Variants in CYTH3 observed in about 807,000 individuals in gnomAD.
The protein encoded by CYTH3 is cytohesin 3.
CYTH3 carries 23 observed loss-of-function variants against 55.1 expected under a neutral mutation model. That is an observed-to-expected ratio of 0.42 (90% CI 0.30 to 0.59). The LOEUF is 0.59. CYTH3 is among the 20% of genes least tolerant of loss of function. The pLI, the probability that CYTH3 is intolerant of heterozygous loss-of-function variation, is 0.20. For synonymous variants in CYTH3, 249 were observed against 194.9 expected, an observed-to-expected ratio of 1.28 and a Z score of -2.31; for missense variants, 413 against 524.8, an observed-to-expected ratio of 0.79 and a Z score of 2.08.
chr7:6,196,625 A>C (rs1783939622), intron 1 of CYTH3, among the ~76,000 whole-genome samples: 1 of 151,952 alleles, frequency 6.6e-6, no homozygotes. Context: ...ATGCCCAGCT[A>C]ATTTTCTATG....
rs762525917 is a variant in CYTH3 at position 6,170,688 on chromosome 7, G to A, written c.712-42C>T. 6.3e-7 allele frequency: 1 copy of A among 1,595,510 alleles called. No homozygotes were observed. The highest frequency in any genetic ancestry group is 2.3e-5 in the East Asian group (1 of 44,216). On this transcript the variant is annotated intron_variant, in intron 8 of 12. Coordinates refer to ENST00000350796, the MANE Select transcript of CYTH3 (RefSeq NM_004227.4). This position sits in a 1 kb window ranked among gnomAD's most constrained non-coding sequence, Gnocchi z 7.8. ...CAGCAGCCAGTTCAGAGACTCGGAG[G>A]AAAATGGCTGGCCGGGCAGAAAGCT...
At chr7:6,214,766 C>T (rs1005161828) in intron 1 of CYTH3, among the ~76,000 whole-genome samples, 1 of 152,018 alleles carries the variant, frequency 6.6e-6, no homozygotes, top group Non-Finnish European at 1.5e-5. Flanking sequence ...AGGACACATG[C>T]GATTGACAAG....
At chr7:6,257,112 T>C (rs1780149146) in intron 1 of CYTH3, among the ~76,000 whole-genome samples, 1 of 152,208 alleles carries the variant, frequency 6.6e-6, no homozygotes, top group Non-Finnish European at 1.5e-5. Context: ...GTGAAGATTT[T>C]TTTTTACATA....
intron 1 of CYTH3, among the ~76,000 whole-genome samples, chr7:6,261,871 A>C (rs112739620): frequency 0.015 from 2,285 of 152,306 alleles, 25 homozygotes; most frequent in Admixed American, 0.054. Flanking sequence ...CACATGACTG[A>C]AAACCAAGGA....
At chr7:6,243,287 G>A (rs982343196) in intron 1 of CYTH3, among the ~76,000 whole-genome samples, 3 of 152,326 alleles carry the variant, frequency 2.0e-5, no homozygotes, top group Admixed American at 1.3e-4. Context: ...TAGAGGAGCA[G>A]GTCTGTGAAA....
chr7:6,270,470 GT>G (rs1194349951), intron 1 of CYTH3, among the ~76,000 whole-genome samples: 6 of 152,072 alleles, frequency 3.9e-5, no homozygotes, highest in Admixed American at 1.3e-4. Context: ...GTCTTTGATG[GT>G]TTTTTTCCAA....
chr7:6,255,825 G>A (rs933922382), intron 1 of CYTH3, among the ~76,000 whole-genome samples: 10 of 144,138 alleles, frequency 6.9e-5, no homozygotes, highest in South Asian at 2.3e-4. Flanking sequence ...GTGCAGTGGC[G>A]CGATCTCTGC....
At chr7:6,215,891 A>G (rs1167830803) in intron 1 of CYTH3, among the ~76,000 whole-genome samples, 1 of 152,242 alleles carries the variant, frequency 6.6e-6, no homozygotes, top group African/African-American at 2.4e-5. Flanking sequence ...AGGAAGTAGC[A>G]AAACATTCTT....
Position 6,164,599 on chromosome 7 carries a change from T to G in CYTH3, c.*345A>C, listed in dbSNP as rs963744822. The G allele has an allele frequency of 6.0e-6, 2 of 335,724 alleles. No homozygotes were observed. The highest frequency in any genetic ancestry group is 1.1e-5 in the Non-Finnish European group (2 of 178,990). The allele number at this position is 335,724 out of a possible 1,614,324, so 20.8% of individuals were successfully genotyped here. On this transcript the variant is annotated 3_prime_UTR_variant, in exon 13 of 13. Coordinates refer to ENST00000350796, the MANE Select transcript of CYTH3 (RefSeq NM_004227.4). ...TGTCTGCTGTGGAGACAGCGGAAGCTGCTGTCCTGGCTTCTCCCCCTAGGG... is the reference window on the plus strand; with the variant it reads ...TGTCTGCTGTGGAGACAGCGGAAGCGGCTGTCCTGGCTTCTCCCCCTAGGG...
intron 1 of CYTH3, among the ~76,000 whole-genome samples, chr7:6,239,165 G>C (rs1226801924): frequency 6.6e-6 from 1 of 152,186 alleles, no homozygotes; most frequent in Non-Finnish European, 1.5e-5. Flanking sequence ...GTGAGGCTAT[G>C]ATCGCACCAC....
chr7:6,213,181 G>A (rs1362082909), intron 1 of CYTH3, among the ~76,000 whole-genome samples: 3 of 152,210 alleles, frequency 2.0e-5, no homozygotes, highest in Non-Finnish European at 2.9e-5. Context: ...GGAACTCAGA[G>A]ATATCTGCTG....
Position 6,207,676 on chromosome 7 carries a change from G to A in CYTH3, c.35-17145C>T, listed in dbSNP as rs1451109440. Among the ~76,000 whole-genome samples, 3 of 151,928 alleles carry A rather than the reference G, an allele frequency of 2.0e-5. No individual in the cohort carries two copies. In the East Asian group the frequency reaches 5.8e-4, roughly 29 times the overall value. ...AAAACAAAACAAAAAAAGGCTGGGC[G>A]CAGTGACTCATACCTGTAATCCCAG... On this transcript the variant is annotated intron_variant, in intron 1 of 12. Coordinates refer to ENST00000350796, the MANE Select transcript of CYTH3 (RefSeq NM_004227.4).
chr7:6,191,128 G>C (rs900493455), intron 1 of CYTH3, among the ~76,000 whole-genome samples: 1 of 150,510 alleles, frequency 6.6e-6, no homozygotes, highest in Non-Finnish European at 1.5e-5. Flanking sequence ...ATATGGATGA[G>C]TCTCACAAAT....
In CYTH3 at chr7:6,194,471, CAA is replaced by C. The variant is rs970010626; in HGVS notation, c.35-3942_35-3941del. ...TTTAAAAATAAACAAAAACAAAAAACAAAAAAACCTTGAAAACAACACATGCA... is the reference window on the plus strand; with the variant it reads ...TTTAAAAATAAACAAAAACAAAAAACAAAAACCTTGAAAACAACACATGCA... On this transcript the variant is annotated intron_variant, in intron 1 of 12. Coordinates refer to ENST00000350796, the MANE Select transcript of CYTH3 (RefSeq NM_004227.4). 2.6e-5 allele frequency among the ~76,000 whole-genome samples: 4 copies of C among 152,026 alleles called. No individual in the cohort carries two copies. In the South Asian group the frequency reaches 8.3e-4, roughly 32 times the overall value.
chr7:6,173,014 G>A (rs1583738938), intron 6 of CYTH3: 2 of 1,079,402 alleles, frequency 1.9e-6, no homozygotes, highest in Non-Finnish European at 2.3e-6. Context: ...TAGTCCAAGG[G>A]CCGGCTGAGG....
chr7:6,183,681 TTG>T (rs1190359018), intron 4 of CYTH3, among the ~76,000 whole-genome samples: 3 of 152,146 alleles, frequency 2.0e-5, no homozygotes, highest in African/African-American at 4.8e-5. Context: ...TAATTTTGAG[TTG>T]TGTCTGAAGC....
intron 1 of CYTH3, among the ~76,000 whole-genome samples, chr7:6,262,962 CAAAAAAA>C (rs915892091): frequency 1.4e-5 from 2 of 143,664 alleles, no homozygotes; most frequent in East Asian, 4.0e-4. Flanking sequence ...CATTTTTGAC[CAAAAAAA>C]AAAATGAACC....
chr7:6,200,279 C>T (rs1445537084), intron 1 of CYTH3, among the ~76,000 whole-genome samples: 1 of 152,084 alleles, frequency 6.6e-6, no homozygotes, highest in African/African-American at 2.4e-5. Flanking sequence ...ATAGTGACAC[C>T]CTGACACATT....
chr7:6,209,511 G>A (rs904482778), intron 1 of CYTH3, among the ~76,000 whole-genome samples: 2 of 152,166 alleles, frequency 1.3e-5, no homozygotes, highest in Admixed American at 6.5e-5. Flanking sequence ...CTTCACAAAT[G>A]CACGTGACTA....
Sources: gnomAD v4.1 joint callset for allele counts (sites outside exome capture counted in the v4.1 genomes callset) on GRCh38, gnomAD v4.1.1 for gene constraint, Gnocchi (gnomAD v3.1) non-coding constraint, MANE v1.5 for transcripts, NCBI Gene and HGNC (gene_info 2026-07-23, HGNC 2026-07-21) for gene names.